MYO1D: variants seen among roughly 807,000 people sequenced by gnomAD.
The protein encoded by MYO1D is unconventional myosin-Id.
A neutral mutation model predicts 122.0 loss-of-function variants in MYO1D; 83 were observed. The ratio of observed to expected loss-of-function variants is 0.68; its 90% confidence interval spans 0.57 to 0.82. MYO1D has a LOEUF of 0.82. Among genes scored for constraint, MYO1D ranks in the 40% least tolerant of loss-of-function variants. MYO1D has a pLI of 0.00. For synonymous variants in MYO1D, 464 were observed against 446.9 expected, an observed-to-expected ratio of 1.04 and a Z score of -0.48; for missense variants, 1,157 against 1,269.5, an observed-to-expected ratio of 0.91 and a Z score of 1.35.
intron 12 of MYO1D, among the ~76,000 whole-genome samples, chr17:32,745,937 G>A (rs890761033): frequency 6.6e-6 from 1 of 152,182 alleles, no homozygotes; most frequent in Non-Finnish European, 1.5e-5. Context: ...GACTCTAGGA[G>A]GAGTGAATTC....
At chr17:32,660,612 G>GA (rs765202899) in intron 16 of MYO1D, among the ~76,000 whole-genome samples, 12 of 152,286 alleles carry the variant, frequency 7.9e-5, no homozygotes, top group Non-Finnish European at 1.5e-4. Context: ...AATGGGTCAA[G>GA]AAAAACCATA....
chr17:32,639,768 C>T (rs1378262355), intron 19 of MYO1D, among the ~76,000 whole-genome samples: 1 of 152,034 alleles, frequency 6.6e-6, no homozygotes, highest in Admixed American at 6.6e-5. Context: ...TTTTCAGTAA[C>T]TAGAAGGAAA....
At chr17:32,605,296 T>TA in intron 20 of MYO1D, 55 bp from the exon 21 acceptor site, 1 of 1,474,538 alleles carries the variant, frequency 6.8e-7, no homozygotes, top group Non-Finnish European at 9.2e-7. Flanking sequence ...AAGAATGAAT[T>TA]AAAAAATACA....
At chr17:32,758,351 G>T (rs1477622070) in intron 10 of MYO1D, among the ~76,000 whole-genome samples, 1 of 151,986 alleles carries the variant, frequency 6.6e-6, no homozygotes, top group Non-Finnish European at 1.5e-5. Context: ...AATTTAACCT[G>T]CAAAACAACA....
intron 7 of MYO1D, 43 bp from the exon 8 acceptor site, chr17:32,765,124 G>T: frequency 6.7e-7 from 1 of 1,499,840 alleles, no homozygotes; most frequent in Non-Finnish European, 9.2e-7. Context: ...GAAACATTAT[G>T]TCAAGGATAT....
At chr17:32,713,720 C>T (rs973480338) in intron 15 of MYO1D, among the ~76,000 whole-genome samples, 8 of 152,210 alleles carry the variant, frequency 5.3e-5, no homozygotes, top group East Asian at 1.9e-4. Context: ...CCCCGCCTCC[C>T]GGTCCAAGTG....
At chr17:32,703,427 T>C (rs1162005792) in intron 16 of MYO1D, among the ~76,000 whole-genome samples, 1 of 151,988 alleles carries the variant, frequency 6.6e-6, no homozygotes, top group Non-Finnish European at 1.5e-5. Context: ...TAACTTTATA[T>C]ATAAATTTTG....
chr17:32,753,823 G>A lies in MYO1D; in HGVS notation c.1467+1669C>T, dbSNP rs139909653. 3.7e-3 allele frequency among the ~76,000 whole-genome samples: 557 copies of A among 152,028 alleles called. 3 individuals carry two copies. Among genetic ancestry groups the A allele is most frequent in the African/African-American group, 0.012 (518 of 41,454 alleles). On this transcript the variant is annotated intron_variant, in intron 11 of 21. Coordinates refer to ENST00000318217, the MANE Select transcript of MYO1D (RefSeq NM_015194.3). ...TGAGGCAGGAGAATTGCTTGAACTC[G>A]GGAGGCGGAGGTTGCAGTGAGCCAA...
intron 21 of MYO1D, among the ~76,000 whole-genome samples, chr17:32,511,772 T>C (rs1481726865): frequency 6.6e-6 from 1 of 152,202 alleles, no homozygotes; most frequent in Non-Finnish European, 1.5e-5. Context: ...GGACTGAACA[T>C]GCACCAGCAC....
intron 16 of MYO1D, among the ~76,000 whole-genome samples, chr17:32,687,195 AT>A (rs371967017): frequency 0.47 from 61,777 of 131,752 alleles, 13,985 homozygotes; most frequent in South Asian, 0.52. Context: ...TGCCTGGCTA[AT>A]TTTTTTTTTT....
intron 8 of MYO1D, among the ~76,000 whole-genome samples, chr17:32,761,292 C>A (rs2089999433): frequency 6.6e-6 from 1 of 152,178 alleles, no homozygotes; most frequent in African/African-American, 2.4e-5. Flanking sequence ...CTCCCCTTTA[C>A]TCTTCAATCC....
At chr17:32,729,178 A>C in intron 14 of MYO1D, among the ~76,000 whole-genome samples, 1 of 141,650 alleles carries the variant, frequency 7.1e-6, no homozygotes, top group African/African-American at 3.1e-5. Context: ...ATTTTACGGG[A>C]AAAAAAACAC....
At chr17:32,630,888 C>T (rs764710617) in intron 20 of MYO1D, among the ~76,000 whole-genome samples, 1 of 152,126 alleles carries the variant, frequency 6.6e-6, no homozygotes, top group Non-Finnish European at 1.5e-5. Context: ...AGTTGTTCTT[C>T]TGACGGCTTC....
chr17:32,500,925 C>T (rs561841739), intron 21 of MYO1D, among the ~76,000 whole-genome samples: 7 of 151,292 alleles, frequency 4.6e-5, no homozygotes, highest in Non-Finnish European at 7.4e-5. Flanking sequence ...AGGAGAATGG[C>T]GTGAACCTGG....
At chr17:32,783,784 TA>T (rs1238005746) in intron 1 of MYO1D, among the ~76,000 whole-genome samples, 2 of 152,168 alleles carry the variant, frequency 1.3e-5, no homozygotes, top group African/African-American at 4.8e-5. Context: ...AAGTAAGCAC[TA>T]AAGTAATATA....
At chr17:32,773,154 T>G (rs951889803) in intron 4 of MYO1D, among the ~76,000 whole-genome samples, 2 of 152,148 alleles carry the variant, frequency 1.3e-5, no homozygotes, top group Non-Finnish European at 2.9e-5. Flanking sequence ...CCAAGGAACA[T>G]CTCACCAATT....
chr17:32,707,395 G>T (rs2089322193), intron 16 of MYO1D, among the ~76,000 whole-genome samples: 1 of 152,118 alleles, frequency 6.6e-6, no homozygotes, highest in Non-Finnish European at 1.5e-5. Context: ...TTAGAGAAAA[G>T]AGTTCACTTG....
chr17:32,691,586 T>C (rs1179429100), intron 16 of MYO1D, among the ~76,000 whole-genome samples: 2 of 151,982 alleles, frequency 1.3e-5, no homozygotes, highest in Admixed American at 6.6e-5. Context: ...TTTGTATTTT[T>C]AGTTGAGACA....
chr17:32,561,695 A>G (rs1236490954), intron 21 of MYO1D, among the ~76,000 whole-genome samples: 2 of 126,986 alleles, frequency 1.6e-5, no homozygotes, highest in Non-Finnish European at 3.2e-5. Flanking sequence ...TCTCAAAAAA[A>G]AAAAAAAAAA....
Sources: allele counts gnomAD v4.1 joint callset (sites outside exome capture counted in the v4.1 genomes callset), GRCh38; gene constraint gnomAD v4.1.1; transcripts MANE v1.5; gene names NCBI Gene and HGNC (gene_info 2026-07-23, HGNC 2026-07-21).